Variants in HHIPL1 observed in about 807,000 individuals in gnomAD.
HHIPL1 encodes HHIP like 1.
A neutral mutation model predicts 61.8 loss-of-function variants in HHIPL1; 43 were observed. The ratio of observed to expected loss-of-function variants is 0.70; its 90% CI spans 0.55 to 0.90. The LOEUF is 0.90. Among genes scored for constraint, HHIPL1 ranks in the 40% least tolerant of loss-of-function variants. HHIPL1 has a pLI of 0.00. For missense variants in HHIPL1, 1,056 were observed against 1,157.7 expected, an observed-to-expected ratio of 0.91 and a Z score of 1.28; for synonymous variants, 482 against 515.8, an observed-to-expected ratio of 0.93 and a Z score of 0.89.
chr14:99,668,810 A>G lies in HHIPL1; in HGVS notation c.1730+507A>G. The G allele has an allele frequency of 6.2e-7, 1 of 1,612,238 alleles. No individual in the cohort carries two copies. The highest frequency in any genetic ancestry group is 1.3e-5 in the African/African-American group (1 of 74,982). ...CATTGGGGCTCCCTTCGCCGGCTCCATCTCCCCGGCTTCCCTTCTAGCTGT... is the reference window on the plus strand; with the variant it reads ...CATTGGGGCTCCCTTCGCCGGCTCCGTCTCCCCGGCTTCCCTTCTAGCTGT... On this transcript the variant is annotated intron_variant, in intron 7 of 8. Coordinates refer to ENST00000330710, the MANE Select transcript of HHIPL1 (RefSeq NM_001127258.3). The surrounding 1 kb of genome is among the most constrained non-coding windows in gnomAD (Gnocchi z 4.7).
At chr14:99,615,590 GAA>G in the HHIPL1 span, among the ~76,000 whole-genome samples, 19 of 145,986 alleles carry the variant, frequency 1.3e-4, no homozygotes, top group Admixed American at 6.4e-4. Flanking sequence ...AAAGAAGAAA[GAA>G]AGAGAGAGAG....
At chr14:99,627,800 GGCA>G in the HHIPL1 span, among the ~76,000 whole-genome samples, 1 of 152,230 alleles carries the variant, frequency 6.6e-6, no homozygotes, top group Admixed American at 6.5e-5. This position sits in a 1 kb window ranked among gnomAD's most constrained non-coding sequence, Gnocchi z 4.4. Context: ...CCCAGACAGA[GGCA>G]GCAGGACACA....
chr14:99,645,183 G>A lies in HHIPL1; in HGVS notation c.-25G>A. 6 of 1,264,208 alleles carry A rather than the reference G, an allele frequency of 4.7e-6. No homozygotes were observed. The highest frequency in any genetic ancestry group is 6.0e-6 in the Non-Finnish European group (6 of 1,005,300). 78.3% of individuals were successfully genotyped at this position (1,264,208 alleles called of 1,614,324 possible). A position where few individuals can be genotyped will look rare whatever the true frequency, so the allele number is the denominator to read the frequency against. On this transcript the variant is annotated 5_prime_UTR_variant, in exon 1 of 9. Coordinates refer to ENST00000330710, the MANE Select transcript of HHIPL1 (RefSeq NM_001127258.3). ...AGGGGACCGGGGCTGCCGTCCCTCC[G>A]CCTCTTCCCCCGCGGGGCGTAGCGA...
chr14:99,675,338 C>A lies in HHIPL1; in HGVS notation c.2061C>A (p.Arg687=). ...CGGGCCTGAGCTCTGGCAGCGGGCGCGTGGAGGTGTTCGTGGGCGGACGCT... is the reference window on the plus strand; with the variant it reads ...CGGGCCTGAGCTCTGGCAGCGGGCGAGTGGAGGTGTTCGTGGGCGGACGCT... The part of the protein sequence containing the change: ...RPAGLSSGSG[R]VEVFVGGRWG... The change falls in exon 9 of 9, where the codon CGC becomes CGA. Residue 687 remains arginine, a synonymous_variant. Coordinates refer to ENST00000330710, the MANE Select transcript of HHIPL1 (RefSeq NM_001127258.3). This position sits in a 1 kb window ranked among gnomAD's most constrained non-coding sequence, Gnocchi z 5.4. The A allele has an allele frequency of 6.9e-7, 1 of 1,457,664 alleles. No homozygotes were observed. The highest frequency in any genetic ancestry group is 9.0e-7 in the Non-Finnish European group (1 of 1,105,208). 90.3% of individuals were successfully genotyped at this position (1,457,664 alleles called of 1,614,324 possible).
chr14:99,654,104 T>C (rs2055985546), intron 2 of HHIPL1, among the ~76,000 whole-genome samples: 2 of 147,976 alleles, frequency 1.4e-5, no homozygotes, highest in Admixed American at 1.4e-4. Flanking sequence ...CAGGAGAATG[T>C]CTTGAACCCA....
chr14:99,614,210 C>T, the HHIPL1 span, among the ~76,000 whole-genome samples: 3 of 152,094 alleles, frequency 2.0e-5, no homozygotes, highest in Admixed American at 6.5e-5. Flanking sequence ...CACGGTGAGG[C>T]GGGAGGGGAT....
chr14:99,675,282 C>T lies in HHIPL1; in HGVS notation c.2005C>T (p.Arg669Trp). Reference protein sequence around the residue: ...GRLNSASRAFRDGEVRLVRPA... With the variant: ...GRLNSASRAFWDGEVRLVRPA... Reference sequence around the variant, plus strand: ...GCTGAACTCGGCGAGCCGGGCGTTCCGGGATGGCGAGGTGCGCCTGGTGCG... The same window carrying T: ...GCTGAACTCGGCGAGCCGGGCGTTCTGGGATGGCGAGGTGCGCCTGGTGCG... The change falls in exon 9 of 9, where the codon CGG (arginine) becomes TGG (tryptophan). Residue 669 changes from arginine (R) to tryptophan (W), a missense_variant. Physicochemically the swap from Arg to Trp is moderately radical, Grantham distance 101. Coordinates refer to ENST00000330710, the MANE Select transcript of HHIPL1 (RefSeq NM_001127258.3). This position sits in a 1 kb window ranked among gnomAD's most constrained non-coding sequence, Gnocchi z 5.4. 2 of 1,265,100 alleles carry T rather than the reference C, an allele frequency of 1.6e-6. No individual in the cohort carries two copies. Among genetic ancestry groups the T allele is most frequent in the Non-Finnish European group, 2.0e-6 (2 of 1,006,204 alleles). The allele number at this position is 1,265,100 out of a possible 1,614,324, so 78.4% of individuals were successfully genotyped here.
chr14:99,672,285 G>A (rs2056334003), intron 7 of HHIPL1, 32 bp from the exon 8 acceptor site: 3 of 1,544,374 alleles, frequency 1.9e-6, no homozygotes, highest in Middle Eastern at 3.3e-4. Context: ...CTCCCAGGGT[G>A]AGACTCATAA....
At chr14:99,647,653 C>T (rs376026093) in intron 1 of HHIPL1, among the ~76,000 whole-genome samples, 7 of 152,188 alleles carry the variant, frequency 4.6e-5, no homozygotes, top group Non-Finnish European at 7.3e-5. Flanking sequence ...GTTTCACTGA[C>T]GGGGCCTCCT....
At chr14:99,645,484 G>T in intron 1 of HHIPL1, 22 bp downstream of exon 1, 1 of 1,262,642 alleles carries the variant, frequency 7.9e-7, no homozygotes. Context: ...CGCGGCCACC[G>T]GGCGGGGCGG....
chr14:99,636,413 T>C, the HHIPL1 span, among the ~76,000 whole-genome samples: 20 of 152,328 alleles, frequency 1.3e-4, no homozygotes, highest in Non-Finnish European at 2.6e-4. Flanking sequence ...CCTAGCACGG[T>C]TGTGGGTCTT....
At chr14:99,638,724 T>C in the HHIPL1 span, among the ~76,000 whole-genome samples, 7 of 152,198 alleles carry the variant, frequency 4.6e-5, no homozygotes, top group Admixed American at 6.5e-5. Context: ...CAGGCAGCCT[T>C]TGTGGGCCCT....
intron 1 of HHIPL1, among the ~76,000 whole-genome samples, chr14:99,647,234 T>C (rs1283929117): frequency 6.6e-6 from 1 of 152,172 alleles, no homozygotes; most frequent in African/African-American, 2.4e-5. Context: ...GCTGGCCACC[T>C]TTAGGTGGGC....
At chr14:99,657,516 G>A (rs967747599) in intron 3 of HHIPL1, among the ~76,000 whole-genome samples, 2 of 152,214 alleles carry the variant, frequency 1.3e-5, no homozygotes, top group Non-Finnish European at 2.9e-5. Flanking sequence ...GGGAAGGGAT[G>A]CTTCCCAGGC....
At chr14:99,617,840 T>C in the HHIPL1 span, among the ~76,000 whole-genome samples, 1 of 152,148 alleles carries the variant, frequency 6.6e-6, no homozygotes, top group Non-Finnish European at 1.5e-5. Flanking sequence ...CTCTGGGCTG[T>C]TTCCTCCTCC....
intron 1 of HHIPL1, among the ~76,000 whole-genome samples, chr14:99,648,983 G>A (rs753790895): frequency 2.0e-5 from 3 of 152,186 alleles, no homozygotes; most frequent in Admixed American, 6.5e-5. Flanking sequence ...TGAAGCCTGC[G>A]ATACTGGGCT....
the HHIPL1 span, among the ~76,000 whole-genome samples, chr14:99,628,743 A>C: frequency 6.6e-6 from 1 of 151,934 alleles, no homozygotes; most frequent in Non-Finnish European, 1.5e-5. Context: ...TGAATGCTGG[A>C]GGTTGCACAG....
At chr14:99,621,713 T>TC in the HHIPL1 span, among the ~76,000 whole-genome samples, 734 of 115,860 alleles carry the variant, frequency 6.3e-3, 1 homozygote, top group African/African-American at 8.8e-3. Flanking sequence ...TCTTTTCTTT[T>TC]TTTTTTTTTT....
chr14:99,612,015 C>T, the HHIPL1 span, among the ~76,000 whole-genome samples: 10 of 152,188 alleles, frequency 6.6e-5, no homozygotes, highest in African/African-American at 1.9e-4. Flanking sequence ...TTTCTTTAAC[C>T]TGCTTTGTCT....
Sources: gnomAD v4.1 joint callset for allele counts (sites outside exome capture counted in the v4.1 genomes callset) on GRCh38, gnomAD v4.1.1 for gene constraint, Gnocchi (gnomAD v3.1) non-coding constraint, MANE v1.5 for transcripts, NCBI Gene and HGNC (gene_info 2026-07-23, HGNC 2026-07-21) for gene names.